The following CDH12 variants were observed in gnomAD, a reference collection of about 807,000 sequenced individuals.
CDH12 encodes the protein cadherin 12.
CDH12 carries 41 observed loss-of-function variants against 74.1 expected under a neutral mutation model. The observed-to-expected ratio is 0.55, with a 90% CI of 0.43 to 0.72. The LOEUF (loss-of-function observed/expected upper bound fraction) is 0.72, where lower values mean the gene tolerates loss of function less well. Ranked by LOEUF, CDH12 falls within the 30% of genes least tolerant of loss-of-function variation. The pLI, the probability that CDH12 is intolerant of heterozygous loss-of-function variation, is 0.00. For missense variants in CDH12, 945 were observed against 977.2 expected (o/e 0.97, Z 0.44); for synonymous variants, 399 against 355.0 (o/e 1.12, Z -1.39).
intron 1 of CDH12, among the ~76,000 whole-genome samples, chr5:22,696,565 T>A (rs1049855313): frequency 3.4e-4 from 51 of 152,076 alleles, no homozygotes; most frequent in Non-Finnish European, 6.5e-4. Context: ...TAATATATAT[T>A]TTTTCAATAT....
At chr5:22,369,051 C>A (rs1243734092) in intron 3 of CDH12, among the ~76,000 whole-genome samples, 1 of 152,076 alleles carries the variant, frequency 6.6e-6, no homozygotes, top group Non-Finnish European at 1.5e-5. Context: ...ATCGCTTGAA[C>A]CCGGGAGGCG....
intron 6 of CDH12, among the ~76,000 whole-genome samples, chr5:21,939,807 G>A (rs980973754): frequency 2.6e-5 from 4 of 152,130 alleles, no homozygotes; most frequent in African/African-American, 9.7e-5. Flanking sequence ...CTTTGGACAT[G>A]CTTTGGCAGT....
chr5:22,724,362 T>C (rs1561604381), intron 1 of CDH12, among the ~76,000 whole-genome samples: 1 of 151,856 alleles, frequency 6.6e-6, no homozygotes, highest in Non-Finnish European at 1.5e-5. Context: ...ATGCAGTATG[T>C]AGTCATTTAT....
intron 1 of CDH12, among the ~76,000 whole-genome samples, chr5:22,768,196 T>C (rs538030349): frequency 1.3e-5 from 2 of 152,186 alleles, no homozygotes; most frequent in African/African-American, 4.8e-5. Flanking sequence ...TCTATTTTCT[T>C]CTATAATTTT....
At chr5:21,808,423 C>T (rs1747558316) in intron 9 of CDH12, among the ~76,000 whole-genome samples, 1 of 151,564 alleles carries the variant, frequency 6.6e-6, no homozygotes, top group South Asian at 2.1e-4. Flanking sequence ...AAAATATATC[C>T]TTGAGTGATA....
At chr5:22,805,927 T>C (rs1029860094) in intron 1 of CDH12, among the ~76,000 whole-genome samples, 3 of 152,122 alleles carry the variant, frequency 2.0e-5, no homozygotes, top group African/African-American at 7.2e-5. Flanking sequence ...TCTGTTCTTG[T>C]GTTAGTTTGC....
chr5:22,717,703 GGT>G (rs965818862), intron 1 of CDH12, among the ~76,000 whole-genome samples: 4 of 152,136 alleles, frequency 2.6e-5, no homozygotes, highest in African/African-American at 7.2e-5. Context: ...TATGTAGTAA[GGT>G]GTGTGTGTTT....
intron 1 of CDH12, among the ~76,000 whole-genome samples, chr5:22,675,975 G>A (rs1262231549): frequency 6.8e-6 from 1 of 146,912 alleles, no homozygotes; most frequent in Non-Finnish European, 1.5e-5. Flanking sequence ...AATATCTTCA[G>A]ATCCATTAAG....
At chr5:22,655,247 A>C (rs1308169207) in intron 1 of CDH12, among the ~76,000 whole-genome samples, 1 of 152,172 alleles carries the variant, frequency 6.6e-6, no homozygotes, top group Non-Finnish European at 1.5e-5. Flanking sequence ...GACGATGGCA[A>C]CATCTTCCTC....
chr5:22,555,807 T>C (rs1425302232), intron 1 of CDH12, among the ~76,000 whole-genome samples: 1 of 151,910 alleles, frequency 6.6e-6, no homozygotes, highest in African/African-American at 2.4e-5. Flanking sequence ...ATCATAAAGA[T>C]CTTGAAGCAG....
At position 22,399,895 on chromosome 5, in the gene CDH12, A is replaced by G. The variant is rs181129588; in HGVS notation, c.-333+5362T>C. Among the ~76,000 whole-genome samples, 835 of 152,178 alleles carry G rather than the reference A, an allele frequency of 5.5e-3. 9 individuals are homozygous for G. Among genetic ancestry groups the G allele is most frequent in the Non-Finnish European group, 8.0e-3 (545 of 68,022 alleles). On this transcript the variant is annotated intron_variant, in intron 3 of 14. Transcript: ENST00000382254. ...ATTAAAGCTGACTCTGTGTTTTAAC[A>G]CAACCATTATAACCAACAAAATCTC...
chr5:22,326,756 G>A (rs1288670133), intron 3 of CDH12, among the ~76,000 whole-genome samples: 1 of 152,138 alleles, frequency 6.6e-6, no homozygotes, highest in African/African-American at 2.4e-5. Flanking sequence ...CAGTGAAAAT[G>A]TACTGTATAT....
intron 2 of CDH12, among the ~76,000 whole-genome samples, chr5:22,419,267 C>T (rs189606196): frequency 7.9e-5 from 12 of 152,130 alleles, no homozygotes; most frequent in African/African-American, 2.6e-4. Context: ...GACATTAAGC[C>T]CCACATGCAT....
intron 4 of CDH12, among the ~76,000 whole-genome samples, chr5:22,160,806 G>A (rs1366495600): frequency 2.0e-5 from 3 of 152,084 alleles, no homozygotes; most frequent in South Asian, 2.1e-4. Flanking sequence ...CCACCCTCAC[G>A]ACTAATCAGC....
intron 3 of CDH12, among the ~76,000 whole-genome samples, chr5:22,363,773 C>T (rs1425574737): frequency 6.6e-6 from 1 of 152,142 alleles, no homozygotes; most frequent in African/African-American, 2.4e-5. Flanking sequence ...TTGTGTCAGA[C>T]AAAATGCATT....
At chr5:22,686,614 A>G (rs552146924) in intron 1 of CDH12, among the ~76,000 whole-genome samples, 1 of 152,160 alleles carries the variant, frequency 6.6e-6, no homozygotes, top group African/African-American at 2.4e-5. Flanking sequence ...TCTCAGCAAC[A>G]TTTCTTGAAG....
intron 4 of CDH12, among the ~76,000 whole-genome samples, chr5:22,107,331 T>G (rs746228143): frequency 7.3e-5 from 11 of 151,630 alleles, no homozygotes; most frequent in Non-Finnish European, 1.3e-4. Context: ...AGAGTTTTAC[T>G]ATGTTGGCCA....
At chr5:22,455,055 T>C (rs1745209640) in intron 2 of CDH12, among the ~76,000 whole-genome samples, 1 of 152,170 alleles carries the variant, frequency 6.6e-6, no homozygotes. Context: ...ATGGAAACTT[T>C]TGTAGATTTT....
At chr5:21,765,304 T>A (rs1044518225) in intron 11 of CDH12, among the ~76,000 whole-genome samples, 4 of 152,136 alleles carry the variant, frequency 2.6e-5, no homozygotes, top group Non-Finnish European at 4.4e-5. Context: ...TAAGGCCAAC[T>A]ATTTAATTGA....
Sources: allele counts gnomAD v4.1 joint callset (sites outside exome capture counted in the v4.1 genomes callset), GRCh38; gene constraint gnomAD v4.1.1; transcripts MANE v1.5; gene names NCBI Gene and HGNC (gene_info 2026-07-23, HGNC 2026-07-21).